The following KIF6 variants were observed in gnomAD, a reference collection of about 807,000 sequenced individuals.
The protein encoded by KIF6 is kinesin family member 6, also known as kinesin-like protein KIF6.
A neutral mutation model predicts 112.7 loss-of-function variants in KIF6; 106 were observed. That is an observed-to-expected ratio of 0.94 (90% CI 0.80 to 1.11). KIF6 has a LOEUF of 1.11. Ranked by LOEUF, KIF6 falls within the 50% of genes least tolerant of loss-of-function variation. The pLI, the probability that KIF6 is intolerant of heterozygous loss-of-function variation, is 0.00. For missense variants in KIF6, 929 were observed against 964.0 expected (o/e 0.96, Z 0.48); for synonymous variants, 339 against 339.9 (o/e 1.00, Z 0.03).
chr6:39,414,224 T>C (rs1323400671), intron 15 of KIF6, among the ~76,000 whole-genome samples: 1 of 152,240 alleles, frequency 6.6e-6, no homozygotes, highest in East Asian at 1.9e-4. Context: ...CGAGTCCTTA[T>C]TTGTGCTGGT....
At chr6:39,422,192 A>T (rs1770422338) in intron 14 of KIF6, among the ~76,000 whole-genome samples, 1 of 152,214 alleles carries the variant, frequency 6.6e-6, no homozygotes, top group Non-Finnish European at 1.5e-5. Flanking sequence ...ACAGATAGAA[A>T]AGGAAGACAA....
In KIF6 at chr6:39,553,210, C is replaced by T. The variant is rs528493254; in HGVS notation, c.1182-7522G>A. On this transcript the variant is annotated intron_variant, in intron 10 of 22. Coordinates refer to ENST00000287152, the MANE Select transcript of KIF6 (RefSeq NM_145027.6). ...AAGGAATTGAGTTCAATGTCAGCAA[C>T]TCTGTTGGAATGAGCTCTTTTTTTA... Among the ~76,000 whole-genome samples the T allele has an allele frequency of 3.1e-4, 47 of 152,268 alleles. No individual in the cohort carries two copies. The South Asian group carries it at 9.6e-3, about 31-fold the overall frequency.
chr6:39,381,151 T>C (rs1766896017), intron 16 of KIF6, among the ~76,000 whole-genome samples: 1 of 152,180 alleles, frequency 6.6e-6, no homozygotes, highest in South Asian at 2.1e-4. Flanking sequence ...GGCACACATC[T>C]ACTTACACAT....
intron 15 of KIF6, among the ~76,000 whole-genome samples, chr6:39,404,614 C>A (rs1358513334): frequency 6.6e-6 from 1 of 152,126 alleles, no homozygotes; most frequent in Non-Finnish European, 1.5e-5. Context: ...ACTTCTCCAG[C>A]TTTATTCTTC....
intron 12 of KIF6, 165 bp downstream of exon 12, chr6:39,544,390 C>T (rs1304463863): frequency 2.0e-6 from 1 of 505,502 alleles, no homozygotes; most frequent in Non-Finnish European, 3.3e-6. Context: ...CTCTTTTTCA[C>T]TGGTTGCAAT....
chr6:39,456,527 C>A (rs1371210887), intron 13 of KIF6, among the ~76,000 whole-genome samples: 1 of 86,340 alleles, frequency 1.2e-5, no homozygotes, highest in Non-Finnish European at 2.2e-5. Flanking sequence ...ACAATATTAA[C>A]TTTAAATGTA....
At chr6:39,549,632 G>T (rs566835874) in intron 10 of KIF6, among the ~76,000 whole-genome samples, 1 of 152,306 alleles carries the variant, frequency 6.6e-6, no homozygotes, top group South Asian at 2.1e-4. Flanking sequence ...TCATTGAGGA[G>T]GCAAATAGGT....
At chr6:39,612,304 A>G (rs1783258694) in intron 6 of KIF6, among the ~76,000 whole-genome samples, 1 of 152,220 alleles carries the variant, frequency 6.6e-6, no homozygotes, top group Admixed American at 6.5e-5. Context: ...GGTAAAATAC[A>G]GAACTCTGGA....
chr6:39,445,008 CA>C (rs771999728), intron 13 of KIF6, among the ~76,000 whole-genome samples: 2 of 152,126 alleles, frequency 1.3e-5, no homozygotes, highest in Non-Finnish European at 2.9e-5. Flanking sequence ...GGTTATGGAG[CA>C]GGGGAAAGTG....
intron 13 of KIF6, among the ~76,000 whole-genome samples, chr6:39,433,195 T>G (rs914691083): frequency 3.3e-5 from 5 of 152,054 alleles, no homozygotes; most frequent in African/African-American, 1.2e-4. Flanking sequence ...CTAACTATAT[T>G]CCCAACAACG....
chr6:39,633,532 G>A (rs1051508576), intron 5 of KIF6, among the ~76,000 whole-genome samples: 1 of 152,154 alleles, frequency 6.6e-6, no homozygotes, highest in African/African-American at 2.4e-5. Context: ...ACCTTCACAG[G>A]AGAGGACTTA....
chr6:39,551,058 G>A (rs954008975), intron 10 of KIF6, among the ~76,000 whole-genome samples: 2 of 152,188 alleles, frequency 1.3e-5, no homozygotes, highest in Non-Finnish European at 2.9e-5. Context: ...AAATATGGGA[G>A]TGCGGATATC....
chr6:39,548,613 A>G (rs1779191017), intron 10 of KIF6, among the ~76,000 whole-genome samples: 1 of 152,254 alleles, frequency 6.6e-6, no homozygotes, highest in Non-Finnish European at 1.5e-5. Context: ...ATTAAAATGC[A>G]GAAAAATGCT....
chr6:39,697,270 C>G (rs1440927679), intron 3 of KIF6, among the ~76,000 whole-genome samples: 3 of 152,040 alleles, frequency 2.0e-5, no homozygotes, highest in East Asian at 1.9e-4. Flanking sequence ...AGTGATTGGT[C>G]TGGGGATGGG....
chr6:39,577,826 C>T (rs971097877), intron 10 of KIF6, among the ~76,000 whole-genome samples: 3 of 152,198 alleles, frequency 2.0e-5, no homozygotes, highest in African/African-American at 7.2e-5. Context: ...TATTCCCATC[C>T]TCTCTTTGCT....
chr6:39,638,287 C>T (rs924596436), intron 4 of KIF6, among the ~76,000 whole-genome samples: 6 of 152,056 alleles, frequency 3.9e-5, no homozygotes, highest in African/African-American at 7.2e-5. Flanking sequence ...ATTAAGTAAC[C>T]GCCCCAAGGC....
At chr6:39,443,080 C>T (rs1772031675) in intron 13 of KIF6, among the ~76,000 whole-genome samples, 1 of 150,158 alleles carries the variant, frequency 6.7e-6, no homozygotes, top group African/African-American at 2.4e-5. Flanking sequence ...CGCCATTGCA[C>T]TCCAGCCTGG....
chr6:39,615,916 A>G (rs1294971957), intron 5 of KIF6, among the ~76,000 whole-genome samples: 1 of 152,138 alleles, frequency 6.6e-6, no homozygotes, highest in African/African-American at 2.4e-5. Context: ...TTAACCACAC[A>G]ATAACTAACG....
chr6:39,650,207 G>T (rs1441268869), intron 3 of KIF6, among the ~76,000 whole-genome samples: 2 of 152,162 alleles, frequency 1.3e-5, no homozygotes, highest in African/African-American at 4.8e-5. Context: ...GAGGTCTTAA[G>T]CACACTAAAC....
Sources: allele counts gnomAD v4.1 joint callset (sites outside exome capture counted in the v4.1 genomes callset), GRCh38; gene constraint gnomAD v4.1.1; transcripts MANE v1.5; gene names NCBI Gene and HGNC (gene_info 2026-07-23, HGNC 2026-07-21).